PLCE1: variants seen among roughly 807,000 people sequenced by gnomAD.
The protein encoded by PLCE1 is 1-phosphatidylinositol 4,5-bisphosphate phosphodiesterase epsilon-1.
PLCE1 carries 119 observed loss-of-function variants against 242.8 expected under a neutral mutation model. The observed-to-expected ratio is 0.49, with a 90% CI of 0.42 to 0.57. The LOEUF (loss-of-function observed/expected upper bound fraction) is 0.57. Among genes scored for constraint, PLCE1 ranks in the 20% least tolerant of loss-of-function variants. The pLI, the probability that PLCE1 is intolerant of heterozygous loss-of-function variation, is 0.00. For missense variants in PLCE1, 2,441 were observed against 2,788.8 expected, an observed-to-expected ratio of 0.88 and a Z score of 2.81; for synonymous variants, 945 against 1,017.4, an observed-to-expected ratio of 0.93 and a Z score of 1.35.
At chr10:94,075,655 A>T (rs79209297) in intron 2 of PLCE1, among the ~76,000 whole-genome samples, 33 of 152,336 alleles carry the variant, frequency 2.2e-4, no homozygotes, top group African/African-American at 7.5e-4. Flanking sequence ...ATCTGACTGG[A>T]AATATGTATG....
rs548488978 is a variant in PLCE1 at position 94,064,867 on chromosome 10, T to C, written c.1206+32615T>C. Among the ~76,000 whole-genome samples the C allele has an allele frequency of 5.3e-5, 8 of 152,280 alleles. No homozygotes were observed. In the South Asian group the frequency reaches 1.7e-3, roughly 32 times the overall value. On this transcript the variant is annotated intron_variant, in intron 2 of 32. Transcript: ENST00000371380. ...TTTTCAGCTGTGTCCCACCTTTTCC[T>C]GGCAGAGCCCTGAGCAATAACTGGG... is the stretch of plus-strand genomic sequence containing the variant.
chr10:94,281,517 T>C (rs2052220500), intron 20 of PLCE1, among the ~76,000 whole-genome samples: 2 of 152,202 alleles, frequency 1.3e-5, no homozygotes, highest in Admixed American at 6.5e-5. Flanking sequence ...GATAGTTGCA[T>C]GTATTTTTAA....
chr10:94,235,322 T>G (rs1327104636), intron 6 of PLCE1, among the ~76,000 whole-genome samples: 3 of 152,012 alleles, frequency 2.0e-5, no homozygotes, highest in African/African-American at 7.3e-5. Context: ...CCACACCCCC[T>G]AGCTTCCTCA....
intron 4 of PLCE1, among the ~76,000 whole-genome samples, chr10:94,184,068 T>G (rs562431239): frequency 8.4e-4 from 128 of 152,304 alleles, no homozygotes; most frequent in Middle Eastern, 6.8e-3. Flanking sequence ...AAATACCCCC[T>G]GAATTGGCCT....
At chr10:94,270,690 G>A (rs2051696520) in intron 18 of PLCE1, 88 bp downstream of exon 18, 1 of 881,932 alleles carries the variant, frequency 1.1e-6, no homozygotes, top group Non-Finnish European at 1.9e-6. Flanking sequence ...TGTTTTTTGA[G>A]ACAGAGTCTC....
rs533327047 is a variant in PLCE1, at chr10:94,209,509, A to G, written c.1810-17797A>G. 3.3e-5 allele frequency among the ~76,000 whole-genome samples: 5 copies of G among 152,338 alleles called. 1 individual carries two copies. The highest frequency in any genetic ancestry group is 1.2e-4 in the African/African-American group (5 of 41,584). On this transcript the variant is annotated intron_variant, in intron 4 of 32. Transcript: ENST00000371380. Reference sequence around the variant, plus strand: ...TTGCTTTGCAGATCTCAATTTGCCTATAGTACCTCATGGGCATAAAAATAT... The same window carrying G: ...TTGCTTTGCAGATCTCAATTTGCCTGTAGTACCTCATGGGCATAAAAATAT...
chr10:94,142,285 G>A (rs183842998), intron 3 of PLCE1, among the ~76,000 whole-genome samples: 3 of 148,852 alleles, frequency 2.0e-5, no homozygotes, highest in African/African-American at 7.4e-5. Flanking sequence ...GGGAGGCAAA[G>A]CCAAGAAGAT....
intron 4 of PLCE1, among the ~76,000 whole-genome samples, chr10:94,188,659 G>T (rs867823479): frequency 6.6e-6 from 1 of 152,232 alleles, no homozygotes; most frequent in African/African-American, 2.4e-5. Context: ...AGGCTGGAGC[G>T]CAATGGCACA....
At chr10:94,023,414 T>G (rs1463630391) in intron 1 of PLCE1, among the ~76,000 whole-genome samples, 1 of 152,168 alleles carries the variant, frequency 6.6e-6, no homozygotes, top group South Asian at 2.1e-4. Context: ...CTGTGTGTGT[T>G]TGTGCATGCC....
At chr10:94,121,702 A>AC (rs2046305945) in intron 2 of PLCE1, among the ~76,000 whole-genome samples, 1 of 152,080 alleles carries the variant, frequency 6.6e-6, no homozygotes, top group Non-Finnish European at 1.5e-5. Flanking sequence ...TGACGCAAAG[A>AC]CCATACTCTT....
At chr10:94,268,887 C>G in intron 16 of PLCE1, 42 bp from the exon 17 acceptor site, 2 of 1,136,394 alleles carry the variant, frequency 1.8e-6, no homozygotes, top group Non-Finnish European at 1.3e-6. Flanking sequence ...GGCTTTATCT[C>G]CAGGTGCTCA....
chr10:94,091,575 G>T (rs985263575), intron 2 of PLCE1, among the ~76,000 whole-genome samples: 9 of 152,134 alleles, frequency 5.9e-5, no homozygotes, highest in African/African-American at 2.2e-4. Flanking sequence ...GCAGGAGACA[G>T]GGGTATAAAG....
At chr10:94,231,133 T>A (rs893797402) in intron 5 of PLCE1, among the ~76,000 whole-genome samples, 25 of 152,354 alleles carry the variant, frequency 1.6e-4, no homozygotes, top group Admixed American at 9.1e-4. Flanking sequence ...ATGAGTAGTA[T>A]CTTTATAATC....
At chr10:94,124,066 A>G (rs2046371371) in intron 2 of PLCE1, among the ~76,000 whole-genome samples, 1 of 152,206 alleles carries the variant, frequency 6.6e-6, no homozygotes, top group Non-Finnish European at 1.5e-5. Context: ...ATCAAAATTA[A>G]GTTTAATTAT....
At chr10:94,073,240 A>G (rs2135137289) in intron 2 of PLCE1, among the ~76,000 whole-genome samples, 1 of 151,142 alleles carries the variant, frequency 6.6e-6, no homozygotes, top group African/African-American at 2.4e-5. Flanking sequence ...TCCCCATGTC[A>G]TTACTTAGAT....
At chr10:94,072,881 T>C (rs755067777) in intron 2 of PLCE1, among the ~76,000 whole-genome samples, 4 of 152,202 alleles carry the variant, frequency 2.6e-5, no homozygotes, top group Non-Finnish European at 5.9e-5. Flanking sequence ...ACAGATGCAC[T>C]GGTGAGCAAT....
chr10:94,111,029 C>T (rs538997855), intron 2 of PLCE1, among the ~76,000 whole-genome samples: 7 of 152,266 alleles, frequency 4.6e-5, no homozygotes, highest in Admixed American at 3.9e-4. Flanking sequence ...GATAAAATAA[C>T]GTCTGGTTGA....
intron 29 of PLCE1, among the ~76,000 whole-genome samples, chr10:94,317,062 C>A (rs2133801440): frequency 6.6e-6 from 1 of 152,158 alleles, no homozygotes; most frequent in Non-Finnish European, 1.5e-5. Context: ...ACCAGCCTGG[C>A]CAACATGGCG....
At chr10:94,097,702 C>G (rs993382161) in intron 2 of PLCE1, among the ~76,000 whole-genome samples, 1 of 152,090 alleles carries the variant, frequency 6.6e-6, no homozygotes, top group Non-Finnish European at 1.5e-5. Context: ...GCTTGGTGGT[C>G]TAGTATTTTG....
Sources: gnomAD v4.1 joint callset for allele counts (sites outside exome capture counted in the v4.1 genomes callset) on GRCh38, gnomAD v4.1.1 for gene constraint, MANE v1.5 for transcripts, NCBI Gene and HGNC (gene_info 2026-07-23, HGNC 2026-07-21) for gene names.